Variants in RIMS2 observed in about 807,000 individuals in gnomAD.
RIMS2 encodes the protein regulating synaptic membrane exocytosis 2.
In RIMS2, 59 loss-of-function variants were observed where a neutral mutation model predicts 174.4. The observed-to-expected ratio is 0.34, with a 90% CI of 0.27 to 0.42. The LOEUF (loss-of-function observed/expected upper bound fraction) is 0.42. RIMS2 is among the 10% of genes least tolerant of loss of function. RIMS2 has a pLI of 1.00. For synonymous variants in RIMS2, 606 were observed against 572.5 expected (o/e 1.06, Z -0.84); for missense variants, 1,620 against 1,666.3 (o/e 0.97, Z 0.48).
At chr8:104,013,382 T>A in intron 17 of RIMS2, 60 bp from the exon 20 acceptor site, 1 of 1,407,230 alleles carries the variant, frequency 7.1e-7, no homozygotes, top group Non-Finnish European at 9.9e-7. Context: ...TGATGCATCA[T>A]AACCAAATAG....
At chr8:103,526,096 G>A (rs377649819) in intron 1 of RIMS2, among the ~76,000 whole-genome samples, 136 of 152,276 alleles carry the variant, frequency 8.9e-4, no homozygotes, top group African/African-American at 3.2e-3. Context: ...ACACACTCAT[G>A]GGGTGGGGCT....
chr8:103,592,867 A>G (rs1331976955), intron 1 of RIMS2, among the ~76,000 whole-genome samples: 6 of 151,404 alleles, frequency 4.0e-5, no homozygotes, highest in Admixed American at 3.3e-4. Flanking sequence ...TTGAGTACAC[A>G]TTGTTTTAAT....
exon 4 of RIMS2, chr8:103,885,485 T>A (rs1181303094): frequency 6.2e-6 from 10 of 1,612,508 alleles, no homozygotes; most frequent in Non-Finnish European, 8.5e-6. Flanking sequence ...TTATAGGGAC[T>A]CCAACAGGAG....
At chr8:103,858,757 A>C (rs1167801638) in intron 3 of RIMS2, among the ~76,000 whole-genome samples, 2 of 151,700 alleles carry the variant, frequency 1.3e-5, no homozygotes, top group Non-Finnish European at 2.9e-5. Flanking sequence ...ACACACACAC[A>C]CATATATGGG....
intron 19 of RIMS2, among the ~76,000 whole-genome samples, chr8:104,159,577 C>G (rs1001895507): frequency 3.3e-5 from 5 of 152,024 alleles, no homozygotes; most frequent in African/African-American, 1.2e-4. Flanking sequence ...CTTGCCAATA[C>G]TTAATTTTTT....
chr8:103,518,132 G>A (rs1325024172), intron 1 of RIMS2, among the ~76,000 whole-genome samples: 1 of 152,108 alleles, frequency 6.6e-6, no homozygotes, highest in Non-Finnish European at 1.5e-5. Context: ...TTTTAATTAT[G>A]AATGTGTCAG....
intron 19 of RIMS2, among the ~76,000 whole-genome samples, chr8:104,018,537 G>A (rs1307140152): frequency 2.6e-5 from 4 of 152,068 alleles, no homozygotes; most frequent in Admixed American, 6.5e-5. Flanking sequence ...TAGAATTATA[G>A]GTAGTGCCCC....
intron 1 of RIMS2, among the ~76,000 whole-genome samples, chr8:103,583,931 AAACCT>A (rs1005354371): frequency 6.6e-6 from 1 of 152,192 alleles, no homozygotes. Context: ...ACAACTTCCC[AAACCT>A]ATAGAAAGAT....
At chr8:103,900,539 G>C (rs1327386644) in intron 4 of RIMS2, among the ~76,000 whole-genome samples, 1 of 152,074 alleles carries the variant, frequency 6.6e-6, no homozygotes, top group Non-Finnish European at 1.5e-5. Context: ...CCACTAAATG[G>C]AATCTGTGGA....
At chr8:103,851,644 TACACAC>T (rs10529078) in intron 3 of RIMS2, among the ~76,000 whole-genome samples, 35,001 of 136,340 alleles carry the variant, frequency 0.26, 4,531 homozygotes, top group African/African-American at 0.31. Context: ...GAATGCTATG[TACACAC>T]ACACACACAC....
chr8:104,237,262 G>T (rs1214842797), intron 19 of RIMS2, among the ~76,000 whole-genome samples: 1 of 152,068 alleles, frequency 6.6e-6, no homozygotes, highest in Admixed American at 6.6e-5. Context: ...CAAGAAAATG[G>T]AATACTATCT....
At chr8:103,939,337 T>C (rs951814538) in intron 13 of RIMS2, among the ~76,000 whole-genome samples, 3 of 152,236 alleles carry the variant, frequency 2.0e-5, no homozygotes, top group African/African-American at 7.2e-5. Context: ...GCTGCCAAGC[T>C]TGGGCTTGCA....
rs757201127 is a variant in RIMS2 at position 104,051,254 on chromosome 8, GTA to G, written c.3334+36653_3334+36654del. ...ACCCTGTCTCAAAACAAGTGTGTGTGTATATATATATATATGTATGTGTGTGT... is the reference window on the plus strand; with the variant it reads ...ACCCTGTCTCAAAACAAGTGTGTGTGTATATATATATATGTATGTGTGTGT... On this transcript the variant is annotated intron_variant, in intron 19 of 23. Transcript: ENST00000504942. 1.3e-3 allele frequency among the ~76,000 whole-genome samples: 189 copies of G among 148,828 alleles called. 1 individual carries two copies. The highest frequency in any genetic ancestry group is 2.1e-3 in the Non-Finnish European group (139 of 67,010).
intron 1 of RIMS2, among the ~76,000 whole-genome samples, chr8:103,534,372 G>T (rs1288308097): frequency 2.0e-5 from 3 of 152,234 alleles, no homozygotes; most frequent in Non-Finnish European, 1.5e-5. Context: ...AAGTACAAAA[G>T]ACATATACAT....
chr8:103,612,522 C>T (rs11776535), intron 1 of RIMS2, among the ~76,000 whole-genome samples: 27,719 of 152,120 alleles, frequency 0.18, 2,772 homozygotes, highest in African/African-American at 0.26. Context: ...ACTTTGGTGG[C>T]CTTGTATAAC....
exon 14 of RIMS2, chr8:103,942,844 C>T: frequency 6.2e-7 from 1 of 1,612,708 alleles, no homozygotes; most frequent in Non-Finnish European, 8.5e-7. Flanking sequence ...CGCATGATGT[C>T]TCTTCATTGC....
intron 19 of RIMS2, chr8:104,223,655 G>T: frequency 6.3e-7 from 1 of 1,588,966 alleles, no homozygotes; most frequent in South Asian, 1.1e-5. Flanking sequence ...GTCCAAGATG[G>T]GCCGGCAGGG....
At chr8:104,102,397 G>T (rs955881104) in intron 19 of RIMS2, among the ~76,000 whole-genome samples, 1 of 152,108 alleles carries the variant, frequency 6.6e-6, no homozygotes, top group Admixed American at 6.5e-5. Context: ...AAGTCTTGTT[G>T]ATTCTAATGC....
At chr8:104,240,746 ACT>A (rs1391490250) in intron 19 of RIMS2, among the ~76,000 whole-genome samples, 1 of 152,150 alleles carries the variant, frequency 6.6e-6, no homozygotes, top group African/African-American at 2.4e-5. Context: ...AGGGGATATG[ACT>A]CAGAGAGGAC....
Sources: gnomAD v4.1 joint callset for allele counts (sites outside exome capture counted in the v4.1 genomes callset) on GRCh38, gnomAD v4.1.1 for gene constraint, MANE v1.5 for transcripts, NCBI Gene and HGNC (gene_info 2026-07-23, HGNC 2026-07-21) for gene names.